SNTG1: variants seen among roughly 807,000 people sequenced by gnomAD.
SNTG1 encodes the protein syntrophin gamma 1.
In SNTG1, 39 loss-of-function variants were observed where a neutral mutation model predicts 74.7. The ratio of observed to expected loss-of-function variants is 0.52; its 90% CI spans 0.40 to 0.68. SNTG1 has a LOEUF of 0.68. SNTG1 is among the 30% of genes least tolerant of loss of function. The pLI is 0.00. For missense variants in SNTG1, 685 were observed against 609.5 expected (o/e 1.12, Z -1.30); for synonymous variants, 254 against 217.1 (o/e 1.17, Z -1.49).
chr8:50,778,957 G>T (rs1214223157), intron 18 of SNTG1, among the ~76,000 whole-genome samples: 3 of 152,122 alleles, frequency 2.0e-5, no homozygotes, highest in Non-Finnish European at 2.9e-5. Flanking sequence ...TTATTAAATG[G>T]GGAATCTTTC....
At chr8:50,366,767 A>G (rs1035609185) in intron 2 of SNTG1, among the ~76,000 whole-genome samples, 1 of 143,414 alleles carries the variant, frequency 7.0e-6, no homozygotes, top group African/African-American at 2.5e-5. Context: ...ATATAGTATT[A>G]TTTAAGAACC....
At chr8:50,149,352 C>G (rs1175281724) in intron 1 of SNTG1, among the ~76,000 whole-genome samples, 1 of 152,044 alleles carries the variant, frequency 6.6e-6, no homozygotes, top group South Asian at 2.1e-4. Flanking sequence ...GCCTGTTCAC[C>G]CTGATGGCAG....
chr8:50,328,433 T>C (rs2130860334), intron 2 of SNTG1, among the ~76,000 whole-genome samples: 1 of 152,310 alleles, frequency 6.6e-6, no homozygotes, highest in East Asian at 1.9e-4. Flanking sequence ...AAAGGTTTAA[T>C]TGACCTACAG....
intron 1 of SNTG1, among the ~76,000 whole-genome samples, chr8:49,958,490 C>T (rs529382928): frequency 1.1e-3 from 163 of 150,202 alleles, no homozygotes; most frequent in South Asian, 9.3e-3. Flanking sequence ...GGTGTGATCT[C>T]GGCTCACTGC....
intron 18 of SNTG1, among the ~76,000 whole-genome samples, chr8:50,780,479 GTTT>G (rs2095655745): frequency 6.6e-6 from 1 of 152,196 alleles, no homozygotes; most frequent in African/African-American, 2.4e-5. Context: ...AGATTTTCTA[GTTT>G]ATTTGCATAG....
At chr8:50,509,457 T>A (rs569283615) in intron 9 of SNTG1, among the ~76,000 whole-genome samples, 2 of 152,316 alleles carry the variant, frequency 1.3e-5, no homozygotes, top group South Asian at 4.1e-4. Flanking sequence ...GTGAAGAAAC[T>A]CATCGGTAGC....
chr8:50,235,889 G>GA (rs1482889381), intron 2 of SNTG1, among the ~76,000 whole-genome samples: 2 of 151,650 alleles, frequency 1.3e-5, no homozygotes, highest in Non-Finnish European at 2.9e-5. Context: ...AAAGAAAAAA[G>GA]AAAAAAATGT....
Position 50,035,045 on chromosome 8 carries a change from C to T in SNTG1, c.-103+122814C>T, listed in dbSNP as rs80138483. Among the ~76,000 whole-genome samples the T allele has an allele frequency of 2.0e-5, 3 of 152,280 alleles. No homozygotes were observed. The East Asian group carries it at 5.8e-4, about 29-fold the overall frequency. On this transcript the variant is annotated intron_variant, in intron 1 of 18. Transcript: ENST00000642720. ...GGCTGGGTGATGCCCCACATAGTTCCCACTAGATGTCACTTTGTTCTTTCC... is the reference window on the plus strand; with the variant it reads ...GGCTGGGTGATGCCCCACATAGTTCTCACTAGATGTCACTTTGTTCTTTCC...
chr8:50,123,898 C>T lies in SNTG1; in HGVS notation c.-102-48663C>T, dbSNP rs548166523. ...GGCTTGGAGTCAAACGTAGACATCCCATTTCCCAAGGTGACTTTGCTTTTA... is the reference window on the plus strand; with the variant it reads ...GGCTTGGAGTCAAACGTAGACATCCTATTTCCCAAGGTGACTTTGCTTTTA... On this transcript the variant is annotated intron_variant, in intron 1 of 18. Transcript: ENST00000642720. Among the ~76,000 whole-genome samples, 2 of 142,592 alleles carry T rather than the reference C, an allele frequency of 1.4e-5. 1 individual carries two copies. The highest frequency in any genetic ancestry group is 4.0e-4 in the East Asian group (2 of 4,982). The allele number at this position is 142,592 out of a possible 152,430, so 93.5% of individuals were successfully genotyped here.
chr8:50,619,141 T>C (rs1427236423), intron 13 of SNTG1, among the ~76,000 whole-genome samples: 1 of 152,190 alleles, frequency 6.6e-6, no homozygotes, highest in Admixed American at 6.5e-5. Context: ...ATCAAAGTGG[T>C]TCTGCTATTA....
intron 2 of SNTG1, among the ~76,000 whole-genome samples, chr8:50,328,423 A>T (rs1196613283): frequency 1.3e-5 from 2 of 152,210 alleles, no homozygotes; most frequent in African/African-American, 4.8e-5. Context: ...GGTAAAGGAT[A>T]AAGGTTTAAT....
intron 2 of SNTG1, among the ~76,000 whole-genome samples, chr8:50,372,512 T>C (rs1460740662): frequency 1.3e-5 from 2 of 152,150 alleles, no homozygotes; most frequent in Non-Finnish European, 2.9e-5. Flanking sequence ...TCTTTCTTTA[T>C]TTAAAATGGG....
intron 5 of SNTG1, among the ~76,000 whole-genome samples, chr8:50,448,499 A>G (rs941757587): frequency 6.6e-6 from 1 of 152,188 alleles, no homozygotes; most frequent in Non-Finnish European, 1.5e-5. Context: ...AACAACCTCA[A>G]TGGAATTCAG....
chr8:50,289,729 A>C (rs550348016), intron 2 of SNTG1, among the ~76,000 whole-genome samples: 1 of 152,244 alleles, frequency 6.6e-6, no homozygotes, highest in South Asian at 2.1e-4. Context: ...ATGTATTATT[A>C]TTTATGCTCA....
At chr8:50,201,559 A>G (rs1215881018) in intron 2 of SNTG1, among the ~76,000 whole-genome samples, 5 of 151,920 alleles carry the variant, frequency 3.3e-5, no homozygotes, top group African/African-American at 1.2e-4. Flanking sequence ...GCTGCGTGAC[A>G]CTCCATGATC....
intron 1 of SNTG1, among the ~76,000 whole-genome samples, chr8:50,001,189 A>G (rs1814705798): frequency 6.6e-6 from 1 of 152,116 alleles, no homozygotes; most frequent in Non-Finnish European, 1.5e-5. Flanking sequence ...GGAAAATTAC[A>G]GAAAGTAGAA....
intron 2 of SNTG1, among the ~76,000 whole-genome samples, chr8:50,256,708 C>T (rs940319983): frequency 2.2e-4 from 33 of 152,082 alleles, no homozygotes; most frequent in African/African-American, 7.5e-4. Context: ...ACTCCCAGAA[C>T]TGCATTTTTA....
chr8:49,935,196 A>C (rs1390490938), intron 1 of SNTG1, among the ~76,000 whole-genome samples: 1 of 129,136 alleles, frequency 7.7e-6, no homozygotes, highest in Non-Finnish European at 1.6e-5. Flanking sequence ...ACAGCAGCCA[A>C]GCAGAAGTGT....
chr8:50,586,652 T>TAC (rs3036686), intron 12 of SNTG1, among the ~76,000 whole-genome samples: 1,638 of 149,414 alleles, frequency 0.011, 8 homozygotes, highest in South Asian at 0.026. Context: ...ATTTCATTAA[T>TAC]ACACACACAC....
Sources: gnomAD v4.1 joint callset for allele counts (sites outside exome capture counted in the v4.1 genomes callset) on GRCh38, gnomAD v4.1.1 for gene constraint, MANE v1.5 for transcripts, NCBI Gene and HGNC (gene_info 2026-07-23, HGNC 2026-07-21) for gene names.